Variants in CLSTN2 observed in about 807,000 individuals in gnomAD.
The protein encoded by CLSTN2 is calsyntenin 2, also known as calsyntenin-2.
In CLSTN2, 48 loss-of-function variants were observed where a neutral mutation model predicts 101.2. The observed-to-expected ratio is 0.47, with a 90% CI of 0.38 to 0.60. The LOEUF (loss-of-function observed/expected upper bound fraction) is 0.60, where lower values mean the gene tolerates loss of function less well. Among genes scored for constraint, CLSTN2 ranks in the 20% least tolerant of loss-of-function variants. The probability of loss-of-function intolerance (pLI) is 0.00; values close to 1 mark genes in which losing one functional copy is unlikely to be tolerated. For synonymous variants in CLSTN2, 481 were observed against 463.6 expected, an observed-to-expected ratio of 1.04 and a Z score of -0.48; for missense variants, 1,160 against 1,238.2, an observed-to-expected ratio of 0.94 and a Z score of 0.95.
chr3:140,048,619 T>C (rs1488417606), intron 1 of CLSTN2, among the ~76,000 whole-genome samples: 2 of 152,110 alleles, frequency 1.3e-5, no homozygotes, highest in African/African-American at 4.8e-5. Flanking sequence ...AAAGAGAGAT[T>C]AGATAGATTG....
chr3:140,354,165 T>C (rs1215185442), intron 2 of CLSTN2, among the ~76,000 whole-genome samples: 1 of 152,146 alleles, frequency 6.6e-6, no homozygotes, highest in Non-Finnish European at 1.5e-5. Flanking sequence ...TGAAAGACCC[T>C]TCTGAAAATG....
chr3:139,973,764 G>A (rs1213629890), intron 1 of CLSTN2, among the ~76,000 whole-genome samples: 4 of 152,010 alleles, frequency 2.6e-5, no homozygotes, highest in Non-Finnish European at 5.9e-5. Context: ...CCAGCCTCCC[G>A]AGTAGCTGCA....
chr3:140,031,933 ACCCTTC>A (rs538552465), intron 1 of CLSTN2, among the ~76,000 whole-genome samples: 66 of 152,176 alleles, frequency 4.3e-4, no homozygotes, highest in South Asian at 1.2e-3. Flanking sequence ...GGACCTCACA[ACCCTTC>A]CGTAAAATGA....
At chr3:140,372,634 T>C (rs910361130) in intron 2 of CLSTN2, among the ~76,000 whole-genome samples, 3 of 152,128 alleles carry the variant, frequency 2.0e-5, no homozygotes, top group Non-Finnish European at 4.4e-5. Flanking sequence ...GGCAACTCCA[T>C]TAACATGGAG....
chr3:140,198,655 A>T (rs2010679608), intron 2 of CLSTN2, among the ~76,000 whole-genome samples: 1 of 152,242 alleles, frequency 6.6e-6, no homozygotes, highest in Non-Finnish European at 1.5e-5. Context: ...AGGGGTCAGC[A>T]AACTTTTTCG....
At chr3:140,141,993 A>G (rs182327094) in intron 1 of CLSTN2, among the ~76,000 whole-genome samples, 58 of 152,342 alleles carry the variant, frequency 3.8e-4, no homozygotes, top group Middle Eastern at 3.4e-3. Context: ...AAAAAAATGG[A>G]ACTGTTCAAC....
intron 8 of CLSTN2, among the ~76,000 whole-genome samples, chr3:140,502,699 G>C (rs1934605741): frequency 6.6e-6 from 1 of 152,178 alleles, no homozygotes; most frequent in South Asian, 2.1e-4. Flanking sequence ...AAAGCTGATT[G>C]GTCGGGAGAA....
chr3:140,234,958 C>A (rs960191879), intron 2 of CLSTN2, among the ~76,000 whole-genome samples: 2 of 152,150 alleles, frequency 1.3e-5, no homozygotes, highest in Non-Finnish European at 2.9e-5. Flanking sequence ...ACAGAGTTCC[C>A]CTCTTTCCCG....
intron 1 of CLSTN2, among the ~76,000 whole-genome samples, chr3:139,986,910 G>A (rs547844804): frequency 4.7e-4 from 72 of 152,162 alleles, no homozygotes; most frequent in African/African-American, 1.7e-3. Flanking sequence ...AAACAGCGTT[G>A]GTATGAAGGC....
intron 2 of CLSTN2, among the ~76,000 whole-genome samples, chr3:140,203,224 G>A (rs768845236): frequency 5.3e-5 from 8 of 152,164 alleles, no homozygotes; most frequent in Non-Finnish European, 8.8e-5. Flanking sequence ...AGTAAGATTA[G>A]GACTGAGAAA....
intron 5 of CLSTN2, among the ~76,000 whole-genome samples, chr3:140,433,335 C>T (rs1395835548): frequency 6.6e-6 from 1 of 152,192 alleles, no homozygotes; most frequent in Non-Finnish European, 1.5e-5. Flanking sequence ...CCTTAGATGA[C>T]CTCTCAGGCA....
intron 5 of CLSTN2, among the ~76,000 whole-genome samples, chr3:140,430,869 C>T (rs903542642): frequency 6.6e-6 from 1 of 152,142 alleles, no homozygotes; most frequent in Non-Finnish European, 1.5e-5. Context: ...CAAAATCTCA[C>T]AGCGGTAAAT....
chr3:139,993,224 T>C (rs1487041270), intron 1 of CLSTN2, among the ~76,000 whole-genome samples: 1 of 152,058 alleles, frequency 6.6e-6, no homozygotes, highest in African/African-American at 2.4e-5. Context: ...TACCTCTTGG[T>C]GGGTAATTTA....
intron 2 of CLSTN2, among the ~76,000 whole-genome samples, chr3:140,305,231 G>T (rs191958883): frequency 1.4e-4 from 21 of 151,942 alleles, no homozygotes; most frequent in African/African-American, 5.1e-4. Context: ...GGCTCCATTT[G>T]TATATTATTA....
chr3:140,224,284 G>A (rs142508363), intron 2 of CLSTN2, among the ~76,000 whole-genome samples: 4,064 of 152,186 alleles, frequency 0.027, 96 homozygotes, highest in Non-Finnish European at 0.037. Flanking sequence ...AGACAGTAAC[G>A]ATAGAACTCA....
At chr3:140,105,640 T>C (rs1388056431) in intron 1 of CLSTN2, among the ~76,000 whole-genome samples, 1 of 152,198 alleles carries the variant, frequency 6.6e-6, no homozygotes, top group Non-Finnish European at 1.5e-5. Flanking sequence ...GACTTATTAC[T>C]GGGGAGTGTG....
chr3:140,324,093 T>C (rs1259250999), intron 2 of CLSTN2, among the ~76,000 whole-genome samples: 1 of 152,234 alleles, frequency 6.6e-6, no homozygotes, highest in Admixed American at 6.5e-5. Context: ...AGGGACATGA[T>C]ATTTTGTTGC....
At chr3:140,455,680 T>G (rs750038942) in intron 6 of CLSTN2, among the ~76,000 whole-genome samples, 3 of 152,212 alleles carry the variant, frequency 2.0e-5, no homozygotes, top group Non-Finnish European at 4.4e-5. Flanking sequence ...TACACCCTGA[T>G]GTGTAGACAG....
chr3:139,972,034 TG>T (rs762701218), intron 1 of CLSTN2, among the ~76,000 whole-genome samples: 7 of 151,970 alleles, frequency 4.6e-5, no homozygotes, highest in Admixed American at 1.3e-4. Flanking sequence ...GAGGCTGAGG[TG>T]GGTGAACCAC....
Sources: allele counts gnomAD v4.1 joint callset (sites outside exome capture counted in the v4.1 genomes callset), GRCh38; gene constraint gnomAD v4.1.1; transcripts MANE v1.5; gene names NCBI Gene and HGNC (gene_info 2026-07-23, HGNC 2026-07-21).